Variants in PTPRD observed in about 807,000 individuals in gnomAD.
PTPRD encodes protein tyrosine phosphatase receptor type D.
Under a neutral mutation model 214.5 loss-of-function variants are expected in PTPRD, and 34 were observed. That is an observed-to-expected ratio of 0.16 (90% CI 0.12 to 0.21). PTPRD has a LOEUF of 0.21. PTPRD is among the 10% of genes least tolerant of loss of function. The pLI is 1.00. For synonymous variants in PTPRD, 1,128 were observed against 845.7 expected (o/e 1.33, Z -5.79); for missense variants, 2,545 against 2,398.7 (o/e 1.06, Z -1.27).
chr9:8,927,585 A>G (rs2098910511), intron 11 of PTPRD, among the ~76,000 whole-genome samples: 1 of 151,976 alleles, frequency 6.6e-6, no homozygotes, highest in Non-Finnish European at 1.5e-5. Flanking sequence ...TATATGCCAC[A>G]TTTTCTTTAT....
intron 10 of PTPRD, among the ~76,000 whole-genome samples, chr9:9,170,233 C>T (rs1017163557): frequency 1.2e-4 from 19 of 152,072 alleles, no homozygotes; most frequent in African/African-American, 4.6e-4. Context: ...TGACACTAAG[C>T]TGAATTATTT....
chr9:9,057,900 T>C (rs1304801729), intron 10 of PTPRD, among the ~76,000 whole-genome samples: 2 of 152,266 alleles, frequency 1.3e-5, no homozygotes, highest in East Asian at 1.9e-4. Context: ...TAATTAGAAG[T>C]ATAAATATTA....
At chr9:9,230,929 G>A (rs748919358) in intron 9 of PTPRD, among the ~76,000 whole-genome samples, 20 of 151,936 alleles carry the variant, frequency 1.3e-4, no homozygotes, top group Non-Finnish European at 1.8e-4. Flanking sequence ...GATTTTTATC[G>A]CTTTATAGTG....
intron 14 of PTPRD, among the ~76,000 whole-genome samples, chr9:8,567,449 T>G (rs993201827): frequency 6.6e-6 from 1 of 152,200 alleles, no homozygotes; most frequent in Non-Finnish European, 1.5e-5. Context: ...CATGGGCACA[T>G]GTCCTTCTTC....
At chr9:10,142,521 A>G (rs2098993244) in intron 3 of PTPRD, among the ~76,000 whole-genome samples, 1 of 152,182 alleles carries the variant, frequency 6.6e-6, no homozygotes, top group Non-Finnish European at 1.5e-5. Flanking sequence ...AACACATGAA[A>G]AAATGCTCAC....
At chr9:9,532,148 G>C (rs1464957127) in intron 8 of PTPRD, among the ~76,000 whole-genome samples, 1 of 152,040 alleles carries the variant, frequency 6.6e-6, no homozygotes, top group Non-Finnish European at 1.5e-5. Flanking sequence ...ATATGCAGGA[G>C]AGCTAGGAAG....
chr9:10,416,390 C>G (rs1343025121), intron 2 of PTPRD, among the ~76,000 whole-genome samples: 1 of 151,584 alleles, frequency 6.6e-6, no homozygotes, highest in Non-Finnish European at 1.5e-5. Flanking sequence ...AAGCAACAGA[C>G]AAACAAACAC....
chr9:8,651,247 T>G (rs1372926893), intron 12 of PTPRD, among the ~76,000 whole-genome samples: 3 of 152,150 alleles, frequency 2.0e-5, no homozygotes, highest in African/African-American at 4.8e-5. Flanking sequence ...TTTCACACAG[T>G]GGCCCCGCCC....
chr9:10,488,267 T>A (rs1407424843), intron 2 of PTPRD, among the ~76,000 whole-genome samples: 1 of 149,946 alleles, frequency 6.7e-6, no homozygotes, highest in East Asian at 2.0e-4. Context: ...CTCAGGAGGC[T>A]GAGGCAGGAG....
intron 11 of PTPRD, among the ~76,000 whole-genome samples, chr9:9,010,707 TC>T (rs757354359): frequency 5.9e-5 from 9 of 152,156 alleles, no homozygotes; most frequent in Non-Finnish European, 1.2e-4. Context: ...TGATCCTTGA[TC>T]CTTTCATCTT....
At chr9:9,665,657 C>T (rs1331486207) in intron 7 of PTPRD, among the ~76,000 whole-genome samples, 6 of 151,670 alleles carry the variant, frequency 4.0e-5, no homozygotes, top group Non-Finnish European at 7.4e-5. Flanking sequence ...GTGTCTCCAC[C>T]TTCCACATGT....
chr9:8,764,030 G>T (rs2094560475), intron 11 of PTPRD, among the ~76,000 whole-genome samples: 1 of 152,124 alleles, frequency 6.6e-6, no homozygotes, highest in Non-Finnish European at 1.5e-5. Flanking sequence ...ATAATGAAAT[G>T]CAAATATTAT....
chr9:8,331,668 G>A lies in PTPRD; in HGVS notation c.5448C>T (p.Ser1816=), dbSNP rs371407714. 29 of 1,613,516 alleles carry A rather than the reference G, an allele frequency of 1.8e-5. No individual in the cohort carries two copies. The highest frequency in any genetic ancestry group is 3.3e-5 in the South Asian group (3 of 91,026). Residue 1816 remains serine (S), a synonymous_variant, in exon 44 of 46, where the codon TCC becomes TCT. Transcript: ENST00000381196. ...CGATGAAGTCAATAAATCCTTCTCC[G>A]GACTTTGGCACTCCTTGCTCTGGCC... is the stretch of plus-strand genomic sequence containing the variant. ...TDWPEQGVPK[S]GEGFIDFIGQ...
chr9:9,136,608 CT>C (rs2099851307), intron 10 of PTPRD, among the ~76,000 whole-genome samples: 1 of 152,106 alleles, frequency 6.6e-6, no homozygotes, highest in African/African-American at 2.4e-5. Flanking sequence ...AATTAATTCT[CT>C]TTTAGTAAAA....
intron 10 of PTPRD, among the ~76,000 whole-genome samples, chr9:9,105,616 G>C (rs908330166): frequency 6.6e-6 from 1 of 152,148 alleles, no homozygotes; most frequent in Non-Finnish European, 1.5e-5. Context: ...AGGTGACTGA[G>C]TACTTCATCA....
chr9:8,662,286 G>C (rs1038480311), intron 12 of PTPRD, among the ~76,000 whole-genome samples: 1 of 151,980 alleles, frequency 6.6e-6, no homozygotes, highest in South Asian at 2.1e-4. Flanking sequence ...GGGGAAACGG[G>C]GTCACTGCTA....
intron 12 of PTPRD, among the ~76,000 whole-genome samples, chr9:8,718,053 T>G (rs1288797563): frequency 6.6e-6 from 1 of 152,134 alleles, no homozygotes; most frequent in Non-Finnish European, 1.5e-5. Flanking sequence ...CAGAAAAAGA[T>G]GGACCTGGAA....
intron 36 of PTPRD, among the ~76,000 whole-genome samples, chr9:8,397,569 T>C (rs2091485585): frequency 2.0e-5 from 3 of 152,082 alleles, no homozygotes; most frequent in Non-Finnish European, 2.9e-5. Flanking sequence ...CAATGTGAAA[T>C]TGGAGAATAC....
intron 9 of PTPRD, among the ~76,000 whole-genome samples, chr9:9,324,027 T>C (rs1968273753): frequency 6.6e-6 from 1 of 152,200 alleles, no homozygotes; most frequent in Non-Finnish European, 1.5e-5. Context: ...GCTCATCCTT[T>C]TTTATGGCTG....
Sources: allele counts gnomAD v4.1 joint callset (sites outside exome capture counted in the v4.1 genomes callset), GRCh38; gene constraint gnomAD v4.1.1; transcripts MANE v1.5; gene names NCBI Gene and HGNC (gene_info 2026-07-23, HGNC 2026-07-21).